CAST: variants seen among roughly 807,000 people sequenced by gnomAD.
The protein encoded by CAST is calpastatin, also known as MIR583 host.
In CAST, 76 loss-of-function variants were observed where a neutral mutation model predicts 119.6. The ratio of observed to expected loss-of-function variants is 0.64; its 90% CI spans 0.53 to 0.77. The LOEUF (loss-of-function observed/expected upper bound fraction) is 0.77, where lower values mean the gene tolerates loss of function less well. CAST is among the 30% of genes least tolerant of loss of function. The pLI is 0.00. For synonymous variants in CAST, 319 were observed against 331.6 expected (o/e 0.96, Z 0.41); for missense variants, 953 against 946.5 (o/e 1.01, Z -0.09).
chr5:96,132,379 A>G, the CAST span, among the ~76,000 whole-genome samples: 3 of 152,104 alleles, frequency 2.0e-5, no homozygotes, highest in African/African-American at 2.4e-5. Flanking sequence ...TGAGGTATCT[A>G]TCACCTCAAA....
At chr5:96,149,849 T>A in the CAST span, among the ~76,000 whole-genome samples, 2 of 152,214 alleles carry the variant, frequency 1.3e-5, no homozygotes, top group Admixed American at 1.3e-4. Context: ...AGCTCTAAGA[T>A]TTAAACTTAG....
chr5:96,153,489 G>T, the CAST span, among the ~76,000 whole-genome samples: 1 of 152,174 alleles, frequency 6.6e-6, no homozygotes, highest in African/African-American at 2.4e-5. Flanking sequence ...AATGAAAAGG[G>T]GAGTGGAGCA....
the CAST span, among the ~76,000 whole-genome samples, chr5:96,242,722 G>A: frequency 3.3e-5 from 5 of 152,120 alleles, no homozygotes; most frequent in South Asian, 2.1e-4. Flanking sequence ...TAACCCTGTC[G>A]ACATTTCAGT....
the CAST span, among the ~76,000 whole-genome samples, chr5:96,170,157 C>T: frequency 2.0e-5 from 3 of 152,200 alleles, no homozygotes; most frequent in South Asian, 4.1e-4. Flanking sequence ...GGTCTTCAGC[C>T]GCTAAGCCGA....
chr5:96,562,599 C>T (rs541383003), intron 1 of CAST, among the ~76,000 whole-genome samples: 2 of 152,258 alleles, frequency 1.3e-5, no homozygotes, highest in African/African-American at 4.8e-5. Context: ...TACATGTACA[C>T]ACACTATTTT....
At chr5:96,529,208 A>C (rs563168918), upstream of CAST, among the ~76,000 whole-genome samples, 1 of 152,294 alleles carries the variant, frequency 6.6e-6, no homozygotes, top group South Asian at 2.1e-4. Context: ...AATTTCATCA[A>C]GTTGGGTCAA....
At chr5:96,034,113 T>G in the CAST span, among the ~76,000 whole-genome samples, 2 of 151,800 alleles carry the variant, frequency 1.3e-5, no homozygotes, top group African/African-American at 4.8e-5. Flanking sequence ...TCTAAATAAA[T>G]AATAAATTTT....
chr5:96,105,786 A>G, the CAST span, among the ~76,000 whole-genome samples: 1 of 152,082 alleles, frequency 6.6e-6, no homozygotes, highest in Non-Finnish European at 1.5e-5. Context: ...TTTTGTATTG[A>G]TTGGAATAGT....
chr5:96,656,112 T>A (rs1293492067), intron 1 of CAST, among the ~76,000 whole-genome samples: 1 of 152,248 alleles, frequency 6.6e-6, no homozygotes, highest in Non-Finnish European at 1.5e-5. Flanking sequence ...AATTGTTCCA[T>A]GAAACTTCAT....
chr5:96,144,444 A>T, the CAST span, among the ~76,000 whole-genome samples: 2 of 152,162 alleles, frequency 1.3e-5, no homozygotes, highest in East Asian at 3.9e-4. Flanking sequence ...GGAAGCTCAA[A>T]GCTGCAGAGC....
At chr5:96,106,685 A>G in the CAST span, among the ~76,000 whole-genome samples, 43 of 151,764 alleles carry the variant, frequency 2.8e-4, no homozygotes, top group African/African-American at 9.4e-4. Flanking sequence ...GGTGCTGAAA[A>G]AAATGTATAT....
At chr5:96,129,738 G>A in the CAST span, among the ~76,000 whole-genome samples, 1 of 152,056 alleles carries the variant, frequency 6.6e-6, no homozygotes, top group Admixed American at 6.6e-5. Flanking sequence ...AGAACAATAT[G>A]ACTTTGGTGA....
At chr5:96,734,298 T>A (rs1761196632) in intron 9 of CAST, among the ~76,000 whole-genome samples, 1 of 152,086 alleles carries the variant, frequency 6.6e-6, no homozygotes, top group South Asian at 2.1e-4. Flanking sequence ...TGACAGCGGG[T>A]AGCCTTTGAG....
chr5:96,465,252 T>G, the CAST span, among the ~76,000 whole-genome samples: 1 of 152,046 alleles, frequency 6.6e-6, no homozygotes, highest in African/African-American at 2.4e-5. Flanking sequence ...TTTGTATATT[T>G]TTTATCCTGC....
At chr5:96,207,227 T>C in the CAST span, among the ~76,000 whole-genome samples, 311 of 152,258 alleles carry the variant, frequency 2.0e-3, 1 homozygote, top group African/African-American at 7.0e-3. Flanking sequence ...TTTCTCAGTA[T>C]AGAATCATAT....
intron 3 of CAST, among the ~76,000 whole-genome samples, chr5:96,713,212 A>G (rs1351812945): frequency 6.6e-6 from 1 of 150,622 alleles, no homozygotes; most frequent in African/African-American, 2.5e-5. Context: ...GCTCATTGCA[A>G]CCTCTGCCTC....
the CAST span, among the ~76,000 whole-genome samples, chr5:96,480,684 A>G: frequency 6.6e-6 from 1 of 152,136 alleles, no homozygotes. Flanking sequence ...ACAAAGAAAG[A>G]GTGGTTTAAA....
chr5:96,198,441 G>T, the CAST span, among the ~76,000 whole-genome samples: 2 of 151,946 alleles, frequency 1.3e-5, no homozygotes, highest in Non-Finnish European at 2.9e-5. Context: ...TACTTACATT[G>T]TTTCTGAAGT....
chr5:96,064,433 A>G, the CAST span, among the ~76,000 whole-genome samples: 1 of 151,594 alleles, frequency 6.6e-6, no homozygotes, highest in Non-Finnish European at 1.5e-5. Flanking sequence ...AGTTGGCATT[A>G]GAGTACTGCA....
Sources: allele counts gnomAD v4.1 joint callset (sites outside exome capture counted in the v4.1 genomes callset), GRCh38; gene constraint gnomAD v4.1.1; transcripts MANE v1.5; gene names NCBI Gene and HGNC (gene_info 2026-07-23, HGNC 2026-07-21).